CFAP77: variants seen among roughly 807,000 people sequenced by gnomAD.
CFAP77 encodes the protein cilia and flagella associated protein 77.
Under a neutral mutation model 31.1 loss-of-function variants are expected in CFAP77, and 25 were observed. The observed-to-expected ratio is 0.80, with a 90% CI of 0.59 to 1.12. The LOEUF (loss-of-function observed/expected upper bound fraction) is 1.12. Among genes scored for constraint, CFAP77 ranks in the 50% most tolerant of loss-of-function variants. The probability of loss-of-function intolerance (pLI) is 0.00; values close to 1 mark genes in which losing one functional copy is unlikely to be tolerated. For synonymous variants in CFAP77, 151 were observed against 159.9 expected (o/e 0.94, Z 0.42); for missense variants, 377 against 397.3 (o/e 0.95, Z 0.44).
chr9:132,418,776 C>T (rs948027369), intron 1 of CFAP77, among the ~76,000 whole-genome samples: 2 of 152,278 alleles, frequency 1.3e-5, no homozygotes, highest in South Asian at 2.1e-4. Flanking sequence ...AATCACTGAC[C>T]GGTAGACAAG....
chr9:132,486,253 C>T (rs920438291), intron 1 of CFAP77, among the ~76,000 whole-genome samples: 1 of 149,912 alleles, frequency 6.7e-6, no homozygotes, highest in Admixed American at 6.6e-5. Context: ...CCACCCCGCC[C>T]GGCTAATTTT....
At chr9:132,441,532 C>T (rs1850616332) in intron 1 of CFAP77, among the ~76,000 whole-genome samples, 1 of 152,194 alleles carries the variant, frequency 6.6e-6, no homozygotes, top group Admixed American at 6.5e-5. Context: ...CGCTCCCCGC[C>T]AACCACACAT....
intron 1 of CFAP77, among the ~76,000 whole-genome samples, chr9:132,485,957 AG>A (rs1239489813): frequency 7.7e-6 from 1 of 129,436 alleles, no homozygotes; most frequent in Non-Finnish European, 1.6e-5. Flanking sequence ...GTGTCAGTCC[AG>A]GTGCTGGGAT....
At chr9:132,559,346 C>CAAAAAAAACAAAAAAAAAAA (rs1852958242) in intron 5 of CFAP77, among the ~76,000 whole-genome samples, 1 of 56,082 alleles carries the variant, frequency 1.8e-5, no homozygotes, top group Non-Finnish European at 3.2e-5. Context: ...CTCTGTCTTG[C>CAAAAAAAACAAAAAAAAAAA]AAAAAAAAAA....
At chr9:132,519,883 G>T (rs112396417) in intron 3 of CFAP77, among the ~76,000 whole-genome samples, 1 of 137,206 alleles carries the variant, frequency 7.3e-6, no homozygotes, top group African/African-American at 2.6e-5. Flanking sequence ...TGGATGGATG[G>T]ATAGGTGGAT....
intron 1 of CFAP77, among the ~76,000 whole-genome samples, chr9:132,432,621 T>C (rs2131692907): frequency 6.6e-6 from 1 of 150,822 alleles, no homozygotes; most frequent in African/African-American, 2.4e-5. Context: ...AAGCTCTGCC[T>C]CCCGGGTTCA....
rs552265400 is a variant in CFAP77, at chr9:132,413,136, A to G, written c.195+2670A>G. ...GTTGTTTCGTGGGTTGTTTTCTCCA[A>G]TGAATAGGATCAGCATTTTTTTTCA... On this transcript the variant is annotated intron_variant, in intron 1 of 5. Coordinates refer to ENST00000393216, the MANE Select transcript of CFAP77 (RefSeq NM_001282957.2). Among the ~76,000 whole-genome samples, 8 of 152,328 alleles carry G rather than the reference A, an allele frequency of 5.3e-5. No individual in the cohort carries two copies. The South Asian group carries it at 8.3e-4, about 16-fold the overall frequency.
chr9:132,532,131 T>C (rs1852463735), intron 3 of CFAP77, among the ~76,000 whole-genome samples: 1 of 152,076 alleles, frequency 6.6e-6, no homozygotes, highest in South Asian at 2.1e-4. Flanking sequence ...CCACCGTTTG[T>C]AGCAGCACCA....
intron 1 of CFAP77, among the ~76,000 whole-genome samples, chr9:132,433,391 A>T (rs755902433): frequency 1.3e-5 from 2 of 152,078 alleles, no homozygotes; most frequent in African/African-American, 4.8e-5. Flanking sequence ...AGTCGTGATT[A>T]TGCCAGCTGG....
intron 1 of CFAP77, among the ~76,000 whole-genome samples, chr9:132,463,033 G>A (rs1396484377): frequency 1.3e-5 from 2 of 152,130 alleles, no homozygotes; most frequent in Non-Finnish European, 2.9e-5. Context: ...TCCAGAGTGG[G>A]CTGGATAGCA....
chr9:132,426,414 G>T (rs1850312455), intron 1 of CFAP77, among the ~76,000 whole-genome samples: 4 of 152,288 alleles, frequency 2.6e-5, no homozygotes, highest in Admixed American at 6.5e-5. Flanking sequence ...TGCAACCCAA[G>T]TTGGGGGGAA....
Position 132,497,459 on chromosome 9 carries a change from G to A in CFAP77, c.196-1236G>A, listed in dbSNP as rs1001413208. ...TTCGAAACCACCGCCTGTGGCCTGT[G>A]GCCTGTGGCCTGTGGACAGTGGAAG... On this transcript the variant is annotated intron_variant, in intron 1 of 5. Coordinates refer to ENST00000393216, the MANE Select transcript of CFAP77 (RefSeq NM_001282957.2). This position sits in a 1 kb window ranked among gnomAD's most constrained non-coding sequence, Gnocchi z 4.9. Among the ~76,000 whole-genome samples, 1 of 152,202 alleles carries A rather than the reference G, an allele frequency of 6.6e-6. No individual in the cohort carries two copies. Among genetic ancestry groups the A allele is most frequent in the Non-Finnish European group, 1.5e-5 (1 of 68,026 alleles).
intron 1 of CFAP77, among the ~76,000 whole-genome samples, chr9:132,466,263 T>C (rs1461423723): frequency 6.6e-6 from 1 of 152,092 alleles, no homozygotes; most frequent in Non-Finnish European, 1.5e-5. Flanking sequence ...TGCCCCTTGA[T>C]GATTCTAGAG....
At chr9:132,568,119 G>A (rs1829909227) in intron 5 of CFAP77, among the ~76,000 whole-genome samples, 1 of 152,126 alleles carries the variant, frequency 6.6e-6, no homozygotes, top group African/African-American at 2.4e-5. Context: ...AAGAGCCATG[G>A]GCACCCAGAG....
At chr9:132,476,170 G>T (rs978708160) in intron 1 of CFAP77, among the ~76,000 whole-genome samples, 1 of 152,112 alleles carries the variant, frequency 6.6e-6, no homozygotes, top group East Asian at 1.9e-4. Flanking sequence ...CCCTTGTGGC[G>T]TTCCTCTATG....
chr9:132,472,580 G>A (rs1851278346), intron 1 of CFAP77, among the ~76,000 whole-genome samples: 1 of 152,200 alleles, frequency 6.6e-6, no homozygotes, highest in Admixed American at 6.5e-5. Flanking sequence ...AGCATAGTGA[G>A]ACCCGCATTT....
intron 3 of CFAP77, among the ~76,000 whole-genome samples, chr9:132,533,464 TA>T (rs1852493147): frequency 6.6e-6 from 1 of 152,238 alleles, no homozygotes; most frequent in African/African-American, 2.4e-5. Context: ...CCCAGGGCTC[TA>T]GCCGAGGACG....
intron 3 of CFAP77, among the ~76,000 whole-genome samples, chr9:132,522,710 A>C (rs1249444140): frequency 6.6e-6 from 1 of 152,200 alleles, no homozygotes; most frequent in Non-Finnish European, 1.5e-5. Flanking sequence ...TCCCCAGTGC[A>C]TGGTGGGGTA....
At chr9:132,478,533 C>T (rs1449485210) in intron 1 of CFAP77, among the ~76,000 whole-genome samples, 1 of 152,096 alleles carries the variant, frequency 6.6e-6, no homozygotes, top group African/African-American at 2.4e-5. Flanking sequence ...AAAATTTGCT[C>T]CCAAGTAAGC....
Sources: allele counts gnomAD v4.1 joint callset (sites outside exome capture counted in the v4.1 genomes callset), GRCh38; gene constraint gnomAD v4.1.1; non-coding constraint Gnocchi (gnomAD v3.1); transcripts MANE v1.5; gene names NCBI Gene and HGNC (gene_info 2026-07-23, HGNC 2026-07-21).